Variants in NDE1 observed in about 807,000 individuals in gnomAD.
The protein encoded by NDE1 is nuclear distribution protein nudE homolog 1.
A neutral mutation model predicts 43.4 loss-of-function variants in NDE1; 28 were observed. That is an observed-to-expected ratio of 0.65 (90% CI 0.48 to 0.89). NDE1 has a LOEUF of 0.89. Ranked by LOEUF, NDE1 falls within the 40% of genes least tolerant of loss-of-function variation. NDE1 has a pLI of 0.00. For synonymous variants in NDE1, 184 were observed against 172.0 expected (o/e 1.07, Z -0.55); for missense variants, 441 against 434.1 (o/e 1.02, Z -0.14).
chr16:15,698,861 A>T (rs1220982107), intron 8 of NDE1, among the ~76,000 whole-genome samples: 1 of 147,700 alleles, frequency 6.8e-6, no homozygotes, highest in Non-Finnish European at 1.5e-5. Flanking sequence ...ACTCTTTCTC[A>T]AGAAAAAAAA....
Position 15,725,787 on chromosome 16 carries a change from A to G in NDE1, c.*1536A>G, listed in dbSNP as rs2040724669. The stretch of plus-strand genomic sequence containing the variant: ...GAGTGGCAAGGCAGGGTAAATGGCT[A>G]TGCCAAGTGAAAGAAGACCAAAGAC... On this transcript the variant is annotated 3_prime_UTR_variant, in exon 9 of 9. Coordinates refer to ENST00000396354, the MANE Select transcript of NDE1 (RefSeq NM_017668.3). The G allele has an allele frequency of 2.5e-6, 1 of 398,594 alleles. No individual in the cohort carries two copies. 24.7% of individuals were successfully genotyped at this position (398,594 alleles called of 1,614,324 possible).
intron 8 of NDE1, chr16:15,719,133 A>C (rs1032734989): frequency 1.8e-5 from 25 of 1,393,332 alleles, no homozygotes; most frequent in African/African-American, 4.3e-5. Context: ...GTCTCGAAAA[A>C]ATTTAAAAAA....
At chr16:15,691,632 CT>C (rs925992594) in intron 6 of NDE1, among the ~76,000 whole-genome samples, 19 of 118,970 alleles carry the variant, frequency 1.6e-4, no homozygotes, top group East Asian at 1.4e-3. Flanking sequence ...CAGAAATCCT[CT>C]TTTTTTTTGT....
Position 15,719,796 on chromosome 16 carries a change from C to T in NDE1, c.948-4395C>T. The T allele has an allele frequency of 3.2e-6, 5 of 1,581,890 alleles. No individual in the cohort carries two copies. The East Asian group carries it at 8.9e-5, about 28-fold the overall frequency. Reference sequence around the variant, plus strand: ...GCCCAGTTCAGCTTTGCACACCCACCCCTTGGATTTTCTGCAGTTGACCAC... The same window carrying T: ...GCCCAGTTCAGCTTTGCACACCCACTCCTTGGATTTTCTGCAGTTGACCAC... On this transcript the variant is annotated intron_variant, in intron 8 of 8. Transcript: ENST00000396354.
chr16:15,676,880 ACT>A (rs779506882), intron 3 of NDE1, among the ~76,000 whole-genome samples: 8 of 151,896 alleles, frequency 5.3e-5, no homozygotes, highest in East Asian at 1.9e-4. Flanking sequence ...CGGGCTGGTG[ACT>A]CTCTTTGTAA....
At chr16:15,689,031 A>C (rs375623622) in intron 5 of NDE1, among the ~76,000 whole-genome samples, 1 of 152,052 alleles carries the variant, frequency 6.6e-6, no homozygotes, top group East Asian at 1.9e-4. Flanking sequence ...TTTGCTTTCT[A>C]ATGTGTAACC....
At chr16:15,662,864 C>T (rs1400095028) in intron 1 of NDE1, among the ~76,000 whole-genome samples, 1 of 152,214 alleles carries the variant, frequency 6.6e-6, no homozygotes, top group Admixed American at 6.6e-5. Flanking sequence ...TAGGCGTGAG[C>T]CACTGCACCT....
intron 1 of NDE1, among the ~76,000 whole-genome samples, chr16:15,656,934 CA>C (rs1414165622): frequency 1.3e-5 from 2 of 152,114 alleles, no homozygotes; most frequent in African/African-American, 4.8e-5. Flanking sequence ...GAAAACTATG[CA>C]GGGGCCTGAT....
intron 2 of NDE1, among the ~76,000 whole-genome samples, chr16:15,665,676 T>C (rs1249246949): frequency 6.6e-6 from 1 of 151,798 alleles, no homozygotes; most frequent in Non-Finnish European, 1.5e-5. Flanking sequence ...AACTCCTGGC[T>C]TCACGTGATC....
intron 3 of NDE1, among the ~76,000 whole-genome samples, chr16:15,677,189 T>C (rs951184112): frequency 6.6e-6 from 1 of 152,034 alleles, no homozygotes; most frequent in African/African-American, 2.4e-5. Context: ...GAGAAGGTTC[T>C]GTTGACTGAG....
At chr16:15,651,495 G>T (rs1345110595) in intron 1 of NDE1, 2 of 148,704 alleles carry the variant, frequency 1.3e-5, no homozygotes, top group African/African-American at 2.5e-5. Flanking sequence ...AGGTTGGAGT[G>T]CAGTGGTGCG....
At chr16:15,688,689 CTTTTTTTTTTTTTT>C (rs1194565114) in intron 5 of NDE1, among the ~76,000 whole-genome samples, 3 of 59,990 alleles carry the variant, frequency 5.0e-5, no homozygotes, top group African/African-American at 6.8e-5. Flanking sequence ...TTGTTTTTAC[CTTTTTTTTTTTTTT>C]TTTTTTTTTT....
At chr16:15,708,933 C>T (rs2039622406) in intron 8 of NDE1, 11 of 1,296,316 alleles carry the variant, frequency 8.5e-6, no homozygotes, top group South Asian at 2.5e-5. Context: ...ACATTTGCTT[C>T]GATTTAATAA....
chr16:15,715,559 A>G (rs2040081647), intron 8 of NDE1, among the ~76,000 whole-genome samples: 1 of 152,226 alleles, frequency 6.6e-6, no homozygotes, highest in Admixed American at 6.5e-5. Flanking sequence ...AGATAAATTC[A>G]TAGAGACAGA....
intron 1 of NDE1, chr16:15,643,941 A>G (rs560154619): frequency 2.6e-5 from 4 of 152,472 alleles, no homozygotes; most frequent in African/African-American, 4.8e-5. Flanking sequence ...AGTTTCAAAC[A>G]CTTTGTGTTT....
chr16:15,687,407 A>G lies in NDE1; in HGVS notation c.419A>G (p.Gln140Arg). The change falls in exon 5 of 9, where the codon CAG (glutamine) becomes CGG (arginine). Residue 140 changes from glutamine to arginine, a missense_variant. By Grantham distance (43) the Gln-to-Arg change is conservative. Transcript: ENST00000396354. ...ATIMSLEDFE[Q>R]RLNQAIERNA... Reference sequence around the variant, plus strand: ...ATCATGTCTCTCGAAGACTTTGAGCAGCGCTTGAATCAGGCCATCGAAAGA... The same window carrying G: ...ATCATGTCTCTCGAAGACTTTGAGCGGCGCTTGAATCAGGCCATCGAAAGA... 6.2e-7 allele frequency: 1 copy of G among 1,614,188 alleles called. No individual in the cohort carries two copies. The highest frequency in any genetic ancestry group is 8.5e-7 in the Non-Finnish European group (1 of 1,180,038).
intron 8 of NDE1, chr16:15,697,186 G>T (rs976813099): frequency 2.1e-6 from 1 of 469,356 alleles, no homozygotes; most frequent in African/African-American, 2.1e-5. Flanking sequence ...GGGAGTACAG[G>T]TGCGTGTCAC....
At chr16:15,686,895 C>A in intron 4 of NDE1, 1 of 831,900 alleles carries the variant, frequency 1.2e-6, no homozygotes, top group Non-Finnish European at 1.4e-6. Context: ...TGCCATTTGC[C>A]CAAGCTTGCC....
chr16:15,718,175 A>T, intron 8 of NDE1: 3 of 1,356,054 alleles, frequency 2.2e-6, no homozygotes, highest in Non-Finnish European at 2.1e-6. Context: ...CTGGATCTCT[A>T]CTCTCAGGCC....
Sources: allele counts gnomAD v4.1 joint callset (sites outside exome capture counted in the v4.1 genomes callset), GRCh38; gene constraint gnomAD v4.1.1; transcripts MANE v1.5; gene names NCBI Gene and HGNC (gene_info 2026-07-23, HGNC 2026-07-21).